The following FMN1 variants were observed in gnomAD, a reference collection of about 807,000 sequenced individuals.
The protein encoded by FMN1 is formin 1.
A neutral mutation model predicts 132.4 loss-of-function variants in FMN1; 110 were observed. The ratio of observed to expected loss-of-function variants is 0.83; its 90% CI spans 0.71 to 0.97. The LOEUF is 0.97. Ranked by LOEUF, FMN1 falls within the 50% of genes least tolerant of loss-of-function variation. The probability of loss-of-function intolerance (pLI) is 0.00; values close to 1 mark genes in which losing one functional copy is unlikely to be tolerated. For synonymous variants in FMN1, 722 were observed against 651.7 expected, an observed-to-expected ratio of 1.11 and a Z score of -1.64; for missense variants, 1,792 against 1,705.3, an observed-to-expected ratio of 1.05 and a Z score of -0.90.
intron 16 of FMN1, among the ~76,000 whole-genome samples, chr15:32,870,973 G>T (rs921305113): frequency 1.3e-5 from 2 of 152,074 alleles, no homozygotes; most frequent in African/African-American, 4.8e-5. Flanking sequence ...TAGGAGGTAG[G>T]GGATTTCAAA....
chr15:32,818,130 C>T (rs1200841952), intron 17 of FMN1, among the ~76,000 whole-genome samples: 1 of 152,120 alleles, frequency 6.6e-6, no homozygotes, highest in Non-Finnish European at 1.5e-5. Flanking sequence ...TATAATCACA[C>T]ACTCATTTGT....
At chr15:32,979,445 A>T (rs2032465686) in intron 7 of FMN1, among the ~76,000 whole-genome samples, 2 of 150,956 alleles carry the variant, frequency 1.3e-5, no homozygotes, top group Admixed American at 6.6e-5. Context: ...AGTCCCAGCT[A>T]CTTGGGAGGC....
At chr15:32,829,454 T>C (rs1016806960) in intron 17 of FMN1, among the ~76,000 whole-genome samples, 1 of 152,162 alleles carries the variant, frequency 6.6e-6, no homozygotes, top group Non-Finnish European at 1.5e-5. Context: ...TTTTCAAAGA[T>C]TGGAAAATTT....
At chr15:33,122,790 C>T (rs1225903894) in intron 4 of FMN1, among the ~76,000 whole-genome samples, 1 of 152,122 alleles carries the variant, frequency 6.6e-6, no homozygotes, top group South Asian at 2.1e-4. Flanking sequence ...TGCCATTATT[C>T]TGTTACATAA....
At position 33,087,816 on chromosome 15, in the gene FMN1, T is replaced by TATATATAC. The variant is rs1221020820; in HGVS notation, c.2043+975_2043+982dup. On this transcript the variant is annotated intron_variant, in intron 5 of 20. Transcript: ENST00000616417. ...ATATTTACATATATACATATACACA[T>TATATATAC]ATATATACATATATACATATACATA... 2.8e-3 allele frequency among the ~76,000 whole-genome samples: 421 copies of TATATATAC among 151,366 alleles called. 1 individual carries two copies. Among genetic ancestry groups the TATATATAC allele is most frequent in the African/African-American group, 9.8e-3 (404 of 41,146 alleles).
At chr15:33,049,841 G>T (rs1191619973) in intron 6 of FMN1, among the ~76,000 whole-genome samples, 3 of 152,152 alleles carry the variant, frequency 2.0e-5, no homozygotes, top group African/African-American at 2.4e-5. Context: ...TCCTTTTGCT[G>T]TCTATAATTG....
At chr15:33,013,217 C>T (rs2140970771) in intron 6 of FMN1, 3 of 296,496 alleles carry the variant, frequency 1.0e-5, no homozygotes, top group Non-Finnish European at 6.5e-6. Flanking sequence ...ATACAATACT[C>T]CCGTGTATGG....
At chr15:32,993,569 T>A (rs1377661764) in intron 7 of FMN1, among the ~76,000 whole-genome samples, 1 of 151,896 alleles carries the variant, frequency 6.6e-6, no homozygotes, top group Non-Finnish European at 1.5e-5. Flanking sequence ...CTTTCTCATT[T>A]CATGCTCAAA....
chr15:32,998,650 C>T (rs945869326), intron 7 of FMN1, among the ~76,000 whole-genome samples: 2 of 152,152 alleles, frequency 1.3e-5, no homozygotes, highest in African/African-American at 4.8e-5. Context: ...ATGGCCAACA[C>T]GCAGAAACTC....
chr15:32,856,570 G>A (rs1446010956), intron 17 of FMN1, among the ~76,000 whole-genome samples: 1 of 152,182 alleles, frequency 6.6e-6, no homozygotes, highest in Non-Finnish European at 1.5e-5. Flanking sequence ...ATCTGAAAAG[G>A]AATGGAAAAT....
At chr15:32,934,760 C>T (rs998608720) in intron 9 of FMN1, among the ~76,000 whole-genome samples, 11 of 151,730 alleles carry the variant, frequency 7.2e-5, no homozygotes, top group African/African-American at 2.4e-4. Context: ...GCGTCCCCTG[C>T]CATGCTGGGC....
chr15:33,013,451 T>A (rs2034853829), intron 6 of FMN1, among the ~76,000 whole-genome samples: 1 of 148,416 alleles, frequency 6.7e-6, no homozygotes, highest in African/African-American at 2.4e-5. Flanking sequence ...TTAACAAAAC[T>A]AAGAAGAATG....
At chr15:33,089,618 A>G (rs2038834013) in intron 4 of FMN1, among the ~76,000 whole-genome samples, 1 of 152,220 alleles carries the variant, frequency 6.6e-6, no homozygotes, top group Non-Finnish European at 1.5e-5. Flanking sequence ...AGTTCTGTTC[A>G]ATTTTTATGA....
chr15:33,123,933 G>T (rs1310714108), intron 4 of FMN1, among the ~76,000 whole-genome samples: 1 of 152,148 alleles, frequency 6.6e-6, no homozygotes, highest in Non-Finnish European at 1.5e-5. Flanking sequence ...CTCCCCTCAT[G>T]GTATCAAAGA....
intron 6 of FMN1, among the ~76,000 whole-genome samples, chr15:33,053,372 A>G (rs1360063701): frequency 1.3e-5 from 2 of 152,190 alleles, no homozygotes; most frequent in Non-Finnish European, 2.9e-5. Flanking sequence ...CACTGCACAG[A>G]AGTTGCTCCT....
chr15:32,902,932 T>A (rs1290222735), intron 12 of FMN1, among the ~76,000 whole-genome samples: 4 of 152,246 alleles, frequency 2.6e-5, no homozygotes, highest in African/African-American at 9.6e-5. Flanking sequence ...GATGATTAAC[T>A]GATATTTCTG....
intron 6 of FMN1, among the ~76,000 whole-genome samples, chr15:33,056,736 G>A (rs953916081): frequency 1.2e-4 from 18 of 152,156 alleles, no homozygotes; most frequent in African/African-American, 4.1e-4. Context: ...TAAATATGTT[G>A]CAATATATTC....
rs370031845 is a variant in FMN1 at position 32,774,343 on chromosome 15, C to T, written c.4227G>A (p.Leu1409=). The change falls in exon 21 of 21, where the codon CTG becomes CTA. Residue 1409 remains leucine (L), a synonymous_variant. Coordinates refer to ENST00000616417, the MANE Select transcript of FMN1 (RefSeq NM_001277313.2). ...TGGTCACACTGGCTTCCTTCTGACG[C>T]AGTCTTTCTTTCTGTTAAGGAAAAA... ...INPTASLKER[L]RQKEASVTTN 8 of 1,598,896 alleles carry T rather than the reference C, an allele frequency of 5.0e-6. No homozygotes were observed. The highest frequency in any genetic ancestry group is 1.3e-5 in the African/African-American group (1 of 74,672).
At chr15:33,094,909 G>T (rs1304756915) in intron 4 of FMN1, among the ~76,000 whole-genome samples, 1 of 152,110 alleles carries the variant, frequency 6.6e-6, no homozygotes, top group African/African-American at 2.4e-5. Flanking sequence ...ATGCAGAAAA[G>T]ATCAAGGAAA....
Sources: gnomAD v4.1 joint callset for allele counts (sites outside exome capture counted in the v4.1 genomes callset) on GRCh38, gnomAD v4.1.1 for gene constraint, MANE v1.5 for transcripts, NCBI Gene and HGNC (gene_info 2026-07-23, HGNC 2026-07-21) for gene names.